SF3B2: variants seen among roughly 807,000 people sequenced by gnomAD.
SF3B2 encodes splicing factor 3b subunit 2.
A neutral mutation model predicts 116.3 loss-of-function variants in SF3B2; 22 were observed. That is an observed-to-expected ratio of 0.19 (90% CI 0.14 to 0.27). The LOEUF is 0.27. SF3B2 is among the 10% of genes least tolerant of loss of function. The pLI, the probability that SF3B2 is intolerant of heterozygous loss-of-function variation, is 1.00. For synonymous variants in SF3B2, 406 were observed against 421.6 expected, an observed-to-expected ratio of 0.96 and a Z score of 0.45; for missense variants, 767 against 1,151.4, an observed-to-expected ratio of 0.67 and a Z score of 4.83.
At position 66,063,735 on chromosome 11, in the gene SF3B2, G is replaced by A; in HGVS notation, c.2330+6G>A. 6.2e-7 allele frequency: 1 copy of A among 1,603,908 alleles called. No homozygotes were observed. The highest frequency in any genetic ancestry group is 8.5e-7 in the Non-Finnish European group (1 of 1,175,242). On this transcript the variant is annotated splice_donor_region_variant and intron_variant, in intron 19 of 21. Coordinates refer to ENST00000322535, the MANE Select transcript of SF3B2 (RefSeq NM_006842.3). ...ATTGAGGAGGCGATGGACGGGTAAG[G>A]GTACCAGACAGGGCTGAGAGGGGAG...
intron 3 of SF3B2, chr11:66,053,360 T>A (rs1856925808): frequency 2.0e-6 from 1 of 506,952 alleles, no homozygotes; most frequent in Non-Finnish European, 3.6e-6. Flanking sequence ...GACACTTGCC[T>A]CCTTTTCCAC....
chr11:66,068,909 A>C lies in SF3B2; in HGVS notation c.*164A>C. On this transcript the variant is annotated 3_prime_UTR_variant, in exon 22 of 22. Transcript: ENST00000322535. ...CCAAGGAAAGAGATGAATATTTAACACTCCTGAGCCTCCCTCATCTCCTTT... is the reference window on the plus strand; with the variant it reads ...CCAAGGAAAGAGATGAATATTTAACCCTCCTGAGCCTCCCTCATCTCCTTT... The C allele has an allele frequency of 1.6e-6, 1 of 610,048 alleles. No homozygotes were observed. Among genetic ancestry groups the C allele is most frequent in the Non-Finnish European group, 2.9e-6 (1 of 343,482 alleles). 37.8% of individuals were successfully genotyped at this position (610,048 alleles called of 1,614,324 possible).
chr11:66,060,159 C>T, intron 13 of SF3B2, 150 bp downstream of exon 13: 1 of 736,720 alleles, frequency 1.4e-6, no homozygotes, highest in Non-Finnish European at 2.2e-6. Context: ...TGCTCTTCCT[C>T]CCCTCTGCCT....
At chr11:66,056,387 C>A in intron 5 of SF3B2, among the ~76,000 whole-genome samples, 3 of 119,278 alleles carry the variant, frequency 2.5e-5, no homozygotes, top group Non-Finnish European at 1.6e-5. Flanking sequence ...GCAACAGAGC[C>A]AGACTCTGTC....
At position 66,052,594 on chromosome 11, in the gene SF3B2, G is replaced by C. The variant is rs1856899942; in HGVS notation, c.133+77G>C. ...GCCTGGTTACCCGGGAGACTCGGGT[G>C]CGAGGGGCGGAGGCAGGCCGCTGGG... is the stretch of plus-strand genomic sequence containing the variant. On this transcript the variant is annotated intron_variant, in intron 1 of 21. Transcript: ENST00000322535. 22 of 1,590,616 alleles carry C rather than the reference G, an allele frequency of 1.4e-5. No individual in the cohort carries two copies. In the South Asian group the frequency reaches 2.4e-4, roughly 17 times the overall value.
chr11:66,058,588 T>C (rs1347922590), intron 9 of SF3B2, 183 bp downstream of exon 9: 3 of 629,490 alleles, frequency 4.8e-6, no homozygotes, highest in African/African-American at 1.8e-5. Flanking sequence ...TGCCTACATT[T>C]TACAGCTGAA....
At chr11:66,068,639 C>T (rs781274923) in intron 21 of SF3B2, 35 bp from the exon 22 acceptor site, 1 of 1,605,538 alleles carries the variant, frequency 6.2e-7, no homozygotes, top group Non-Finnish European at 8.5e-7. Context: ...GGTGGTTCAA[C>T]CTGTCTTAAC....
At chr11:66,064,911 A>G (rs950977298) in intron 19 of SF3B2, 2 of 151,984 alleles carry the variant, frequency 1.3e-5, no homozygotes, top group African/African-American at 4.8e-5. Flanking sequence ...TTTGGCCTTC[A>G]TTTTTGAAAG....
intron 19 of SF3B2, chr11:66,067,131 A>T (rs1201612889): frequency 4.5e-6 from 1 of 222,824 alleles, no homozygotes; most frequent in South Asian, 5.7e-5. Flanking sequence ...TTCAGGCAGG[A>T]GGGTGTATCT....
At position 66,061,756 on chromosome 11, in the gene SF3B2, T is replaced by C; in HGVS notation, c.1850T>C (p.Leu617Ser). The change falls in exon 15 of 22, where the codon TTG (leucine) becomes TCG (serine). Residue 617 changes from leucine (L) to serine (S), a missense_variant. Physicochemically the swap from Leu to Ser is moderately radical, Grantham distance 145. Around this residue, in one of 4 missense-constraint regions of SF3B2, gnomAD observed 282 missense variants for 568.0 expected, o/e 0.50. Transcript: ENST00000322535. ...GDLSDELRIS[L>S]GMPVGPNAHK... The stretch of plus-strand genomic sequence containing the variant: ...CTGTCTGATGAGCTAAGGATTTCCT[T>C]GGGGATGCCAGTAGGACCAGTGAGT... 6.2e-7 allele frequency: 1 copy of C among 1,614,132 alleles called. No individual in the cohort carries two copies. The highest frequency in any genetic ancestry group is 8.5e-7 in the Non-Finnish European group (1 of 1,179,964).
intron 6 of SF3B2, 49 bp from the exon 7 acceptor site, chr11:66,057,217 T>G (rs1857013441): frequency 5.0e-5 from 59 of 1,177,088 alleles, no homozygotes; most frequent in Non-Finnish European, 6.7e-5. Context: ...ATTTTTTACG[T>G]GAGTGTTTTG....
chr11:66,062,234 A>C (rs504742), intron 16 of SF3B2, among the ~76,000 whole-genome samples: 1 of 152,372 alleles, frequency 6.6e-6, no homozygotes, highest in Admixed American at 6.5e-5. Flanking sequence ...TGACAAGTAC[A>C]AAGATGAAAG....
chr11:66,053,454 C>T (rs749945317), intron 3 of SF3B2: 5 of 276,402 alleles, frequency 1.8e-5, no homozygotes, highest in East Asian at 7.9e-5. Flanking sequence ...TTAGATGGGA[C>T]GATCGCTTGA....
At chr11:66,068,514 G>T (rs1857230236) in intron 21 of SF3B2, 160 bp from the exon 22 acceptor site, 2 of 846,610 alleles carry the variant, frequency 2.4e-6, no homozygotes, top group Non-Finnish European at 3.7e-6. Flanking sequence ...GGACGATGAG[G>T]GGGAGGAACT....
At chr11:66,068,591 CTA>C in intron 21 of SF3B2, 81 bp from the exon 22 acceptor site, 1 of 1,198,678 alleles carries the variant, frequency 8.3e-7, no homozygotes. Context: ...ACTTCTATGT[CTA>C]TGTCAGGCTG....
In SF3B2 at chr11:66,055,582, G is replaced by A. The variant is rs1189669805; in HGVS notation, c.546G>A (p.Lys182=). 3 of 1,614,054 alleles carry A rather than the reference G, an allele frequency of 1.9e-6. No individual in the cohort carries two copies. Among genetic ancestry groups the A allele is most frequent in the African/African-American group, 2.7e-5 (2 of 74,926 alleles). ...LKEHELLEQQ[K]RAAVLLEQER... ...AACATGAGCTCTTGGAGCAGCAGAA[G>A]CGGGTAATACCCCTCCCCCTAACCT... Residue 182 remains lysine, a synonymous_variant, in exon 5 of 22, where the codon AAG becomes AAA. Coordinates refer to ENST00000322535, the MANE Select transcript of SF3B2 (RefSeq NM_006842.3).
chr11:66,052,937 T>C (rs908740713), intron 2 of SF3B2, 90 bp from the exon 3 acceptor site: 7 of 1,377,628 alleles, frequency 5.1e-6, no homozygotes, highest in African/African-American at 1.4e-5. Flanking sequence ...AGACAGGCAC[T>C]GGGTACGTTT....
intron 9 of SF3B2, 29 bp from the exon 10 acceptor site, chr11:66,058,801 G>T (rs1277916845): frequency 3.8e-6 from 6 of 1,593,314 alleles, no homozygotes; most frequent in South Asian, 2.2e-5. Context: ...TGGATTCCCT[G>T]ACCCAGCTGG....
In SF3B2 at chr11:66,068,835, G is replaced by A. The variant is rs1023761918; in HGVS notation, c.*90G>A. 4.0e-6 allele frequency: 4 copies of A among 987,878 alleles called. No homozygotes were observed. The highest frequency in any genetic ancestry group is 6.3e-6 in the Non-Finnish European group (4 of 637,126). 61.2% of individuals were successfully genotyped at this position (987,878 alleles called of 1,614,324 possible). ...CCTCTCCCGCAGTTCCCAAGGACTT[G>A]TCATTTCATGTTCTTATTTTAGACC... On this transcript the variant is annotated 3_prime_UTR_variant, in exon 22 of 22. Transcript: ENST00000322535.
Sources: allele counts gnomAD v4.1 joint callset (sites outside exome capture counted in the v4.1 genomes callset), GRCh38; gene constraint gnomAD v4.1.1; regional missense constraint gnomAD v4.1.1; transcripts MANE v1.5; gene names NCBI Gene and HGNC (gene_info 2026-07-23, HGNC 2026-07-21).